The following AGAP1 variants were observed in gnomAD, a reference collection of about 807,000 sequenced individuals.
The protein encoded by AGAP1 is ArfGAP with GTPase domain, ankyrin repeat and PH domain 1, also known as arf-GAP with GTPase, ANK repeat and PH domain-containing protein 1.
A neutral mutation model predicts 105.3 loss-of-function variants in AGAP1; 29 were observed. That is an observed-to-expected ratio of 0.28 (90% CI 0.21 to 0.38). The LOEUF (loss-of-function observed/expected upper bound fraction) is 0.38. Ranked by LOEUF, AGAP1 falls within the 10% of genes least tolerant of loss-of-function variation. AGAP1 has a pLI of 1.00. For missense variants in AGAP1, 998 were observed against 1,165.1 expected, an observed-to-expected ratio of 0.86 and a Z score of 2.09; for synonymous variants, 509 against 485.9, an observed-to-expected ratio of 1.05 and a Z score of -0.63.
chr2:235,995,839 T>C (rs993169697), intron 13 of AGAP1, among the ~76,000 whole-genome samples: 1 of 152,196 alleles, frequency 6.6e-6, no homozygotes, highest in African/African-American at 2.4e-5. Flanking sequence ...CTTTCTTGCC[T>C]CTGGCTCTTC....
intron 1 of AGAP1, among the ~76,000 whole-genome samples, chr2:235,675,215 A>G (rs2149376225): frequency 7.4e-6 from 1 of 135,478 alleles, no homozygotes; most frequent in Admixed American, 7.7e-5. Context: ...TTTGAGACAG[A>G]GTCTCGCTCT....
rs1945684470 is a variant in AGAP1 at position 235,600,258 on chromosome 2, A to G, written c.163+105409A>G. On this transcript the variant is annotated intron_variant, in intron 1 of 17. Transcript: ENST00000304032. This position sits in a 1 kb window ranked among gnomAD's most constrained non-coding sequence, Gnocchi z 4.8. ...TTTATGGCCTCTGTTTACCCCACAG[A>G]CGATCAGTGTGCCTGCTTCCAGGGG... 6.6e-6 allele frequency among the ~76,000 whole-genome samples: 1 copy of G among 152,176 alleles called. No individual in the cohort carries two copies. Among genetic ancestry groups the G allele is most frequent in the Non-Finnish European group, 1.5e-5 (1 of 68,044 alleles).
intron 9 of AGAP1, among the ~76,000 whole-genome samples, chr2:235,862,926 T>G (rs1361019092): frequency 6.6e-6 from 1 of 152,156 alleles, no homozygotes; most frequent in Admixed American, 6.5e-5. Context: ...TTTTCTAATC[T>G]CCTCTGCTCT....
At chr2:235,878,749 G>T (rs1168682623) in intron 9 of AGAP1, among the ~76,000 whole-genome samples, 1 of 152,208 alleles carries the variant, frequency 6.6e-6, no homozygotes, top group Non-Finnish European at 1.5e-5. Context: ...GCCCCTGTCC[G>T]CTCATGTTCC....
intron 1 of AGAP1, among the ~76,000 whole-genome samples, chr2:235,594,303 A>G (rs76347557): frequency 0.021 from 3,091 of 148,186 alleles, 110 homozygotes; most frequent in African/African-American, 0.072. Context: ...TTTTTTTTTC[A>G]TATTTAAATA....
At chr2:235,513,272 A>C (rs1444634363) in intron 1 of AGAP1, among the ~76,000 whole-genome samples, 1 of 145,336 alleles carries the variant, frequency 6.9e-6, no homozygotes, top group East Asian at 2.0e-4. Context: ...TGTAATCCCA[A>C]CACTTTGGGA....
At chr2:236,071,703 AGT>A (rs2058501433) in intron 16 of AGAP1, among the ~76,000 whole-genome samples, 1 of 152,364 alleles carries the variant, frequency 6.6e-6, no homozygotes, top group Non-Finnish European at 1.5e-5. Flanking sequence ...CTGAATTAAA[AGT>A]GAGAGTTTTA....
At chr2:235,584,295 A>G (rs1428507453) in intron 1 of AGAP1, among the ~76,000 whole-genome samples, 1 of 151,318 alleles carries the variant, frequency 6.6e-6, no homozygotes, top group Non-Finnish European at 1.5e-5. Flanking sequence ...TAACAAGTGA[A>G]TGATTTAAGT....
intron 1 of AGAP1, among the ~76,000 whole-genome samples, chr2:235,686,106 A>G (rs1422764006): frequency 6.6e-6 from 1 of 152,076 alleles, no homozygotes; most frequent in East Asian, 1.9e-4. Flanking sequence ...TAGCTTAGTG[A>G]TTTTGGGGGC....
At chr2:235,909,049 G>A in intron 11 of AGAP1, 143 bp downstream of exon 11, 2 of 823,658 alleles carry the variant, frequency 2.4e-6, no homozygotes, top group Non-Finnish European at 3.7e-6. Context: ...GATCACTTCT[G>A]TGGCTGATCA....
At chr2:236,088,966 A>G (rs2058995362) in intron 16 of AGAP1, among the ~76,000 whole-genome samples, 1 of 152,244 alleles carries the variant, frequency 6.6e-6, no homozygotes, top group Non-Finnish European at 1.5e-5. Context: ...AATCAAATTC[A>G]AAGAACTCAC....
In AGAP1 at chr2:236,036,421, G is replaced by A. The variant is rs60973967; in HGVS notation, c.1646-140G>A. 5.9e-5 allele frequency: 66 copies of A among 1,121,536 alleles called. No homozygotes were observed. In the East Asian group the frequency reaches 1.3e-3, roughly 22 times the overall value. The allele number at this position is 1,121,536 out of a possible 1,614,324, so 69.5% of individuals were successfully genotyped here. A position where few individuals can be genotyped will look rare whatever the true frequency, so the allele number is the denominator to read the frequency against. On this transcript the variant is annotated intron_variant, in intron 13 of 17. Transcript: ENST00000304032. The surrounding 1 kb of genome is among the most constrained non-coding windows in gnomAD (Gnocchi z 5.7). ...AGGTGCATGGATTCAAATCTCCGCC[G>A]CCGTGGTTGTCCAGTGCCGTGCGCC...
rs1434939444 is a variant in AGAP1 at position 235,747,399 on chromosome 2, G to A, written c.538+2560G>A. Among the ~76,000 whole-genome samples, 1 of 152,184 alleles carries A rather than the reference G, an allele frequency of 6.6e-6. No individual in the cohort carries two copies. Among genetic ancestry groups the A allele is most frequent in the African/African-American group, 2.4e-5 (1 of 41,448 alleles). Reference sequence around the variant, plus strand: ...CCCAGGGGAGTGTGTGCGTGTGCGAGGGTGGCCTCTGGGGTTGGGAGGTAA... The same window carrying A: ...CCCAGGGGAGTGTGTGCGTGTGCGAAGGTGGCCTCTGGGGTTGGGAGGTAA... On this transcript the variant is annotated intron_variant, in intron 5 of 17. Transcript: ENST00000304032. The surrounding 1 kb of genome is among the most constrained non-coding windows in gnomAD (Gnocchi z 5.0).
At chr2:235,818,854 G>A (rs868370755) in intron 9 of AGAP1, among the ~76,000 whole-genome samples, 2 of 152,118 alleles carry the variant, frequency 1.3e-5, no homozygotes, top group South Asian at 2.1e-4. Flanking sequence ...GATTACAGGC[G>A]TGAGCCACCA....
chr2:235,537,363 A>C (rs1221382932), intron 1 of AGAP1, among the ~76,000 whole-genome samples: 1 of 152,112 alleles, frequency 6.6e-6, no homozygotes, highest in Non-Finnish European at 1.5e-5. Context: ...GGAAGCACAG[A>C]GCTTGAGGGA....
chr2:235,852,709 A>G (rs771413881), intron 9 of AGAP1: 3 of 1,519,760 alleles, frequency 2.0e-6, no homozygotes, highest in Admixed American at 2.2e-5. Context: ...TTGTCCTTGC[A>G]CTGACAGCCA....
chr2:235,896,883 T>C (rs1184694098), intron 10 of AGAP1, among the ~76,000 whole-genome samples: 1 of 152,232 alleles, frequency 6.6e-6, no homozygotes, highest in Non-Finnish European at 1.5e-5. Context: ...CAAAGTCTAT[T>C]TCTGTCTATG....
In AGAP1 at chr2:235,744,631, G is replaced by A; in HGVS notation, c.397-67G>A. On this transcript the variant is annotated intron_variant, in intron 4 of 17. Coordinates refer to ENST00000304032, the MANE Select transcript of AGAP1 (RefSeq NM_001037131.3). The surrounding 1 kb of genome is among the most constrained non-coding windows in gnomAD (Gnocchi z 5.2). ...GCCCCCTGCTGCCTGCCGCCATGCA[G>A]ACATCTCTGTTCTTAATCAAGCCTG... 1 of 1,594,028 alleles carries A rather than the reference G, an allele frequency of 6.3e-7. No homozygotes were observed.
rs1348655711 is a variant in AGAP1 at position 235,601,326 on chromosome 2, C to T, written c.163+106477C>T. Among the ~76,000 whole-genome samples, 2 of 152,160 alleles carry T rather than the reference C, an allele frequency of 1.3e-5. No individual in the cohort carries two copies. The highest frequency in any genetic ancestry group is 2.9e-5 in the Non-Finnish European group (2 of 68,022). Reference sequence around the variant, plus strand: ...GGAGAAAGAGATGGAGACAGGTTTGCTGTCTCTTCCTCTTGTTATAAGAAC... The same window carrying T: ...GGAGAAAGAGATGGAGACAGGTTTGTTGTCTCTTCCTCTTGTTATAAGAAC... On this transcript the variant is annotated intron_variant, in intron 1 of 17. Transcript: ENST00000304032. The surrounding 1 kb of genome is among the most constrained non-coding windows in gnomAD (Gnocchi z 4.4).
Sources: allele counts gnomAD v4.1 joint callset (sites outside exome capture counted in the v4.1 genomes callset), GRCh38; gene constraint gnomAD v4.1.1; non-coding constraint Gnocchi (gnomAD v3.1); transcripts MANE v1.5; gene names NCBI Gene and HGNC (gene_info 2026-07-23, HGNC 2026-07-21).